FAM193A: variants seen among roughly 807,000 people sequenced by gnomAD.
FAM193A encodes family with sequence similarity 193 member A.
A neutral mutation model predicts 126.5 loss-of-function variants in FAM193A; 22 were observed. The observed-to-expected ratio is 0.17, with a 90% CI of 0.12 to 0.25. The LOEUF (loss-of-function observed/expected upper bound fraction) is 0.25. Ranked by LOEUF, FAM193A falls within the 10% of genes least tolerant of loss-of-function variation. The pLI is 1.00. For missense variants in FAM193A, 1,675 were observed against 1,672.8 expected, an observed-to-expected ratio of 1.00 and a Z score of -0.02; for synonymous variants, 761 against 646.8, an observed-to-expected ratio of 1.18 and a Z score of -2.68.
intron 12 of FAM193A, among the ~76,000 whole-genome samples, chr4:2,667,329 A>C (rs1713235693): frequency 6.6e-6 from 1 of 152,132 alleles, no homozygotes; most frequent in Admixed American, 6.6e-5. Flanking sequence ...TCAACATATG[A>C]ATTTTGGAGG....
intron 5 of FAM193A, among the ~76,000 whole-genome samples, chr4:2,638,298 T>G (rs1337184367): frequency 2.6e-5 from 4 of 152,370 alleles, no homozygotes; most frequent in Non-Finnish European, 4.4e-5. Flanking sequence ...CTTCGTGTCC[T>G]CGTACCTGGC....
intron 1 of FAM193A, among the ~76,000 whole-genome samples, chr4:2,568,479 C>T (rs1371391657): frequency 6.6e-6 from 1 of 152,158 alleles, no homozygotes; most frequent in African/African-American, 2.4e-5. Context: ...GTGATTGTGT[C>T]ATTGCACTTC....
Position 2,732,510 on chromosome 4 carries a change from T to C in FAM193A, c.*642T>C, listed in dbSNP as rs1182763096. 6.5e-6 allele frequency: 1 copy of C among 152,760 alleles called. No individual in the cohort carries two copies. Among genetic ancestry groups the C allele is most frequent in the Non-Finnish European group, 1.5e-5 (1 of 68,144 alleles). The allele number at this position is 152,760 out of a possible 1,614,324, so 9.5% of individuals were successfully genotyped here. ...CCTGCCTGGCTACTTTTTTAACATATTGTTAAGTAATATTAAAATCATGTC... is the reference window on the plus strand; with the variant it reads ...CCTGCCTGGCTACTTTTTTAACATACTGTTAAGTAATATTAAAATCATGTC... On this transcript the variant is annotated 3_prime_UTR_variant, in exon 21 of 21. Transcript: ENST00000637812.
intron 8 of FAM193A, among the ~76,000 whole-genome samples, chr4:2,659,200 G>T (rs1172631396): frequency 6.6e-6 from 1 of 152,118 alleles, no homozygotes; most frequent in East Asian, 1.9e-4. Context: ...CCGACCCCTT[G>T]CCCTCCACGT....
intron 1 of FAM193A, among the ~76,000 whole-genome samples, chr4:2,550,740 T>C (rs1406238183): frequency 6.6e-6 from 1 of 151,196 alleles, no homozygotes; most frequent in African/African-American, 2.4e-5. Context: ...CTGTTGGTTG[T>C]TTTTTTTGTT....
At chr4:2,708,270 C>G (rs1241956341) in intron 19 of FAM193A, 1 of 369,048 alleles carries the variant, frequency 2.7e-6, no homozygotes, top group Admixed American at 3.3e-5. Context: ...GAATTACAGG[C>G]AAGCAAAACC....
intron 2 of FAM193A, among the ~76,000 whole-genome samples, chr4:2,602,992 G>A (rs1354975687): frequency 5.2e-5 from 4 of 76,938 alleles, no homozygotes; most frequent in African/African-American, 7.3e-5. Flanking sequence ...TTTTTGAGAC[G>A]AAGTCTCGCT....
chr4:2,625,158 G>C, intron 2 of FAM193A, 104 bp from the exon 3 acceptor site: 2 of 594,824 alleles, frequency 3.4e-6, no homozygotes, highest in South Asian at 2.0e-5. Flanking sequence ...CAATGTTTAG[G>C]TTTTACAGTT....
intron 1 of FAM193A, among the ~76,000 whole-genome samples, chr4:2,569,555 G>T (rs1483185170): frequency 2.0e-5 from 3 of 152,104 alleles, no homozygotes; most frequent in African/African-American, 7.2e-5. Flanking sequence ...CCGGAGTGCA[G>T]TGGCCGATCA....
At chr4:2,656,813 C>T (rs1253657140) in intron 7 of FAM193A, among the ~76,000 whole-genome samples, 4 of 152,208 alleles carry the variant, frequency 2.6e-5, no homozygotes, top group African/African-American at 9.6e-5. Flanking sequence ...GTTTGTAACT[C>T]TTCTTTAGAT....
rs774455430 is a variant in FAM193A at position 2,662,950 on chromosome 4, G to A, written c.1858G>A (p.Glu620Lys). 1.2e-5 allele frequency: 19 copies of A among 1,613,376 alleles called. No homozygotes were observed. The highest frequency in any genetic ancestry group is 5.3e-5 in the African/African-American group (4 of 74,916). ...GGCCAACATGAATGGAATCCACAGC[G>A]AATTGAATGGTGGCGGGGAAAACAT... ...VVANMNGIHS[E>K]LNGGGENMAL... Residue 620 changes from glutamate to lysine, a missense_variant, in exon 11 of 21, where the codon GAA (glutamate) becomes AAA (lysine). Glu to Lys is a moderately conservative substitution (Grantham distance 56). Coordinates refer to ENST00000637812, the MANE Select transcript of FAM193A (RefSeq NM_001366318.2).
At chr4:2,692,426 C>T (rs372852096) in intron 15 of FAM193A, among the ~76,000 whole-genome samples, 1 of 152,128 alleles carries the variant, frequency 6.6e-6, no homozygotes, top group Admixed American at 6.5e-5. Flanking sequence ...TGTGTGGGGA[C>T]ACAACCAAAC....
chr4:2,608,043 G>A, intron 2 of FAM193A: 1 of 1,607,642 alleles, frequency 6.2e-7, no homozygotes, highest in Non-Finnish European at 8.5e-7. Context: ...GTCCGGGTGT[G>A]CAGCATAAAT....
intron 1 of FAM193A, among the ~76,000 whole-genome samples, chr4:2,574,854 CTTTTGGCG>C (rs2108866235): frequency 6.6e-6 from 1 of 152,026 alleles, no homozygotes; most frequent in Admixed American, 6.6e-5. Context: ...TAATTCTGGC[CTTTTGGCG>C]TATTGGAAGC....
At chr4:2,645,712 A>AG (rs1322617268) in intron 6 of FAM193A, among the ~76,000 whole-genome samples, 1 of 152,010 alleles carries the variant, frequency 6.6e-6, no homozygotes, top group Non-Finnish European at 1.5e-5. Flanking sequence ...TTTTTTGTAG[A>AG]GACAGGGTTT....
intron 4 of FAM193A, among the ~76,000 whole-genome samples, chr4:2,628,487 A>AT (rs1218309418): frequency 6.6e-6 from 1 of 152,124 alleles, no homozygotes; most frequent in Non-Finnish European, 1.5e-5. Context: ...AATAAAAAAA[A>AT]TTAGCCAGGT....
At chr4:2,660,397 C>G (rs541302438) in intron 10 of FAM193A, among the ~76,000 whole-genome samples, 1 of 152,324 alleles carries the variant, frequency 6.6e-6, no homozygotes, top group Non-Finnish European at 1.5e-5. Flanking sequence ...CAGCCCAGCA[C>G]TCATGCTTGT....
intron 20 of FAM193A, among the ~76,000 whole-genome samples, chr4:2,717,073 ACGT>A (rs1719621031): frequency 6.6e-6 from 1 of 150,406 alleles, no homozygotes; most frequent in African/African-American, 2.5e-5. Flanking sequence ...CCCACCTCCT[ACGT>A]TCAAGCGATT....
chr4:2,599,959 G>T (rs1175325917), intron 2 of FAM193A, among the ~76,000 whole-genome samples: 1 of 151,852 alleles, frequency 6.6e-6, no homozygotes, highest in African/African-American at 2.4e-5. Flanking sequence ...GAATGCAGTG[G>T]TGCGATGTTG....
Sources: allele counts gnomAD v4.1 joint callset (sites outside exome capture counted in the v4.1 genomes callset), GRCh38; gene constraint gnomAD v4.1.1; transcripts MANE v1.5; gene names NCBI Gene and HGNC (gene_info 2026-07-23, HGNC 2026-07-21).